The following ZSWIM3 variants were observed in gnomAD, a reference collection of about 807,000 sequenced individuals.
ZSWIM3 encodes zinc finger SWIM domain-containing protein 3.
In ZSWIM3, 27 loss-of-function variants were observed where a neutral mutation model predicts 47.5. That is an observed-to-expected ratio of 0.57 (90% CI 0.42 to 0.78). ZSWIM3 has a LOEUF of 0.78. Ranked by LOEUF, ZSWIM3 falls within the 30% of genes least tolerant of loss-of-function variation. The probability of loss-of-function intolerance (pLI) is 0.00; values close to 1 mark genes in which losing one functional copy is unlikely to be tolerated. For missense variants in ZSWIM3, 689 were observed against 861.3 expected (o/e 0.80, Z 2.50); for synonymous variants, 333 against 333.9 (o/e 1.00, Z 0.03).
intron 1 of ZSWIM3, among the ~76,000 whole-genome samples, chr20:45,870,485 G>T (rs1224568907): frequency 6.6e-6 from 1 of 152,158 alleles, no homozygotes; most frequent in Non-Finnish European, 1.5e-5. Flanking sequence ...TGTGGGGGAG[G>T]AATGACAACT....
At chr20:45,860,794 T>C (rs553506792) in intron 1 of ZSWIM3, among the ~76,000 whole-genome samples, 9 of 152,304 alleles carry the variant, frequency 5.9e-5, no homozygotes, top group African/African-American at 2.2e-4. Context: ...CCACCTTAAT[T>C]CTATCTGCAA....
chr20:45,875,324 G>T (rs887393483), intron 1 of ZSWIM3, among the ~76,000 whole-genome samples: 1 of 151,676 alleles, frequency 6.6e-6, no homozygotes, highest in Admixed American at 6.6e-5. Context: ...TTACAGGCGT[G>T]AGCCACTGTA....
At chr20:45,868,843 C>T (rs970393064) in intron 1 of ZSWIM3, among the ~76,000 whole-genome samples, 13 of 152,012 alleles carry the variant, frequency 8.6e-5, no homozygotes, top group African/African-American at 3.1e-4. Flanking sequence ...TGTTTTGTCA[C>T]CCCGGCTGGA....
intron 1 of ZSWIM3, among the ~76,000 whole-genome samples, chr20:45,871,605 A>C (rs982073710): frequency 4.6e-5 from 7 of 152,092 alleles, no homozygotes; most frequent in African/African-American, 1.7e-4. Context: ...ATACTGTACA[A>C]GTTGTTCAAA....
Position 45,857,692 on chromosome 20 carries a change from C to A in ZSWIM3, c.-134C>A, listed in dbSNP as rs988781112. ...CCTCCCTGAGTTCCAGAATAGGCCA[C>A]CCAGTTGGGGCGGACCCTTAAGGCA... On this transcript the variant is annotated 5_prime_UTR_variant, in exon 1 of 2. Transcript: ENST00000255152. 1.8e-6 allele frequency: 2 copies of A among 1,119,522 alleles called. No homozygotes were observed. Among genetic ancestry groups the A allele is most frequent in the Admixed American group, 4.6e-5 (2 of 43,534 alleles). The allele number at this position is 1,119,522 out of a possible 1,614,324, so 69.3% of individuals were successfully genotyped here.
At chr20:45,863,148 T>C (rs1028121026) in intron 1 of ZSWIM3, among the ~76,000 whole-genome samples, 1 of 151,280 alleles carries the variant, frequency 6.6e-6, no homozygotes, top group African/African-American at 2.4e-5. Context: ...GCAATTTGAT[T>C]TGACTTTCAT....
chr20:45,858,704 T>G (rs1265897251), intron 1 of ZSWIM3, among the ~76,000 whole-genome samples: 2 of 152,204 alleles, frequency 1.3e-5, no homozygotes, highest in Non-Finnish European at 1.5e-5. Flanking sequence ...GTTTTTGAGC[T>G]CCTTATATTA....
chr20:45,866,331 T>C (rs529632133), intron 1 of ZSWIM3, among the ~76,000 whole-genome samples: 1 of 152,074 alleles, frequency 6.6e-6, no homozygotes, highest in East Asian at 1.9e-4. Context: ...GTGCAAATAT[T>C]ATATGGGTGG....
intron 1 of ZSWIM3, among the ~76,000 whole-genome samples, chr20:45,868,320 T>G (rs1985891708): frequency 6.6e-6 from 1 of 152,202 alleles, no homozygotes; most frequent in Non-Finnish European, 1.5e-5. Flanking sequence ...TAGGAAAAAT[T>G]AAGCCCTTCG....
intron 1 of ZSWIM3, among the ~76,000 whole-genome samples, chr20:45,867,114 C>A (rs1985865273): frequency 1.4e-5 from 2 of 147,696 alleles, no homozygotes; most frequent in African/African-American, 4.9e-5. Context: ...TCAAGCAATT[C>A]TCGTGCCTCA....
rs183139735 is a variant in ZSWIM3, at chr20:45,865,847, G to T, written c.155+7867G>T. ...CCCATCTCTACTAAAAATACAATTA[G>T]CTGGGCGTGGTGGCAGGCGCCTGTA... On this transcript the variant is annotated intron_variant, in intron 1 of 1. Transcript: ENST00000255152. Among the ~76,000 whole-genome samples the T allele has an allele frequency of 5.4e-3, 815 of 151,572 alleles. 7 individuals are homozygous for T. The highest frequency in any genetic ancestry group is 0.019 in the African/African-American group (790 of 41,280).
intron 1 of ZSWIM3, among the ~76,000 whole-genome samples, chr20:45,876,465 A>C (rs1418485752): frequency 6.6e-6 from 1 of 152,008 alleles, no homozygotes; most frequent in Non-Finnish European, 1.5e-5. Context: ...CTGCCTCCTG[A>C]ATAGCTGGGA....
intron 1 of ZSWIM3, among the ~76,000 whole-genome samples, chr20:45,870,636 G>A (rs867118769): frequency 6.6e-6 from 1 of 151,932 alleles, no homozygotes; most frequent in Non-Finnish European, 1.5e-5. Flanking sequence ...AGAAATTGGA[G>A]GCTTAGAGGA....
At chr20:45,872,977 C>T (rs963410107) in intron 1 of ZSWIM3, among the ~76,000 whole-genome samples, 1 of 152,148 alleles carries the variant, frequency 6.6e-6, no homozygotes, top group Non-Finnish European at 1.5e-5. Context: ...GGCTATGCCA[C>T]GTCAGGCCAG....
intron 1 of ZSWIM3, chr20:45,872,712 A>G (rs1444692762): frequency 7.8e-7 from 1 of 1,288,500 alleles, no homozygotes; most frequent in South Asian, 1.2e-5. Context: ...TGGAGAGACA[A>G]GCGGAGACCA....
At position 45,877,517 on chromosome 20, in the gene ZSWIM3, G is replaced by A. The variant is rs375130440; in HGVS notation, c.959G>A (p.Arg320His). The change falls in exon 2 of 2, where the codon CGT (arginine) becomes CAT (histidine). Residue 320 changes from arginine to histidine, a missense_variant. Arg to His is a conservative substitution (Grantham distance 29, BLOSUM62 0). Coordinates refer to ENST00000255152, the MANE Select transcript of ZSWIM3 (RefSeq NM_080752.4). ...CGACTCTTGGAGAAGAAGTTGCATC[G>A]TAGTTCAGCAAATCCATCCTTTAAA... ...TTRLLEKKLH[R>H]SSANPSFKRL... 128 of 1,614,026 alleles carry A rather than the reference G, an allele frequency of 7.9e-5. 1 individual carries two copies. Among genetic ancestry groups the A allele is most frequent in the South Asian group, 1.6e-4 (15 of 91,082 alleles).
rs375272202 is a variant in ZSWIM3, at chr20:45,878,559, C to A, written c.2001C>A (p.Asp667Glu). ...CTGAGCTCTTTCAGCAGCCAGGAGACTTTAAGGACGTGGGCCGCCTCCCTT... is the reference window on the plus strand; with the variant it reads ...CTGAGCTCTTTCAGCAGCCAGGAGAATTTAAGGACGTGGGCCGCCTCCCTT... ...QPSELFQQPGDFKDVGRLPFL... is the reference protein window; with the variant it reads ...QPSELFQQPGEFKDVGRLPFL... Residue 667 changes from aspartate (D) to glutamate (E), a missense_variant, in exon 2 of 2, where the codon GAC becomes GAA. Coordinates refer to ENST00000255152, the MANE Select transcript of ZSWIM3 (RefSeq NM_080752.4). 6.2e-7 allele frequency: 1 copy of A among 1,614,072 alleles called. No homozygotes were observed. Among genetic ancestry groups the A allele is most frequent in the African/African-American group, 1.3e-5 (1 of 74,936 alleles).
rs1297460447 is a variant in ZSWIM3 at position 45,878,756 on chromosome 20, A to T, written c.*107A>T. 21 of 1,368,798 alleles carry T rather than the reference A, an allele frequency of 1.5e-5. No individual in the cohort carries two copies. Among genetic ancestry groups the T allele is most frequent in the Non-Finnish European group, 2.0e-5 (20 of 1,019,762 alleles). 84.8% of individuals were successfully genotyped at this position (1,368,798 alleles called of 1,614,324 possible). A position where few individuals can be genotyped will look rare whatever the true frequency, so the allele number is the denominator to read the frequency against. On this transcript the variant is annotated 3_prime_UTR_variant, in exon 2 of 2. Coordinates refer to ENST00000255152, the MANE Select transcript of ZSWIM3 (RefSeq NM_080752.4). The stretch of plus-strand genomic sequence containing the variant: ...TTAGCATTTTAGCCAATGTCTTCCT[A>T]GGTGGGGCTAGGAATATTGTTACAG...
chr20:45,872,610 T>C, intron 1 of ZSWIM3: 1 of 877,674 alleles, frequency 1.1e-6, no homozygotes, highest in Non-Finnish European at 1.5e-6. Flanking sequence ...GGGACAAACA[T>C]GCACAAAGGT....
Sources: allele counts gnomAD v4.1 joint callset (sites outside exome capture counted in the v4.1 genomes callset), GRCh38; gene constraint gnomAD v4.1.1; transcripts MANE v1.5; gene names NCBI Gene and HGNC (gene_info 2026-07-23, HGNC 2026-07-21).